NFATC1: variants seen among roughly 807,000 people sequenced by gnomAD.
The protein encoded by NFATC1 is nuclear factor of activated T-cells, cytoplasmic 1.
A neutral mutation model predicts 76.0 loss-of-function variants in NFATC1; 22 were observed. The ratio of observed to expected loss-of-function variants is 0.29; its 90% CI spans 0.21 to 0.41. The LOEUF (loss-of-function observed/expected upper bound fraction) is 0.41, where lower values mean the gene tolerates loss of function less well. NFATC1 is among the 10% of genes least tolerant of loss of function. NFATC1 has a pLI of 1.00. For synonymous variants in NFATC1, 704 were observed against 613.1 expected, an observed-to-expected ratio of 1.15 and a Z score of -2.19; for missense variants, 1,357 against 1,337.7, an observed-to-expected ratio of 1.01 and a Z score of -0.23.
chr18:79,415,493 A>T (rs536142098), intron 2 of NFATC1, among the ~76,000 whole-genome samples: 1 of 151,768 alleles, frequency 6.6e-6, no homozygotes, highest in Non-Finnish European at 1.5e-5. Flanking sequence ...CATGTTAGCC[A>T]GGATGGTCTC....
intron 3 of NFATC1, among the ~76,000 whole-genome samples, chr18:79,437,635 C>T (rs1427815382): frequency 6.6e-6 from 1 of 152,238 alleles, no homozygotes; most frequent in Non-Finnish European, 1.5e-5. Context: ...CAAATCCCAG[C>T]TCACACTGAG....
At chr18:79,476,258 C>A (rs566059416) in intron 8 of NFATC1, among the ~76,000 whole-genome samples, 1 of 152,240 alleles carries the variant, frequency 6.6e-6, no homozygotes, top group Non-Finnish European at 1.5e-5. Flanking sequence ...CGGGCGGCGT[C>A]GGCCATGCTG....
chr18:79,454,686 T>C (rs1268038901), intron 6 of NFATC1, among the ~76,000 whole-genome samples: 1 of 152,150 alleles, frequency 6.6e-6, no homozygotes, highest in Non-Finnish European at 1.5e-5. Flanking sequence ...TACAGCTTCC[T>C]CGGAAAACGA....
intron 9 of NFATC1, chr18:79,496,852 C>T (rs910295046): frequency 6.6e-6 from 1 of 152,224 alleles, no homozygotes; most frequent in Non-Finnish European, 1.5e-5. Flanking sequence ...GGCAGAACTG[C>T]CGGTGCTCAC....
At chr18:79,486,980 C>T (rs756713825) in intron 9 of NFATC1, 43 bp downstream of exon 9, 32 of 1,539,684 alleles carry the variant, frequency 2.1e-5, no homozygotes, top group Non-Finnish European at 2.8e-5. Context: ...CGCCTGGCGC[C>T]ATGGCGTGAG....
At chr18:79,521,750 A>T (rs541490735) in intron 9 of NFATC1, among the ~76,000 whole-genome samples, 4 of 51,582 alleles carry the variant, frequency 7.8e-5, no homozygotes, top group Non-Finnish European at 1.3e-4. Context: ...GTGCATCCAC[A>T]GATGTGTGTG....
intron 1 of NFATC1, among the ~76,000 whole-genome samples, chr18:79,409,868 T>C (rs2085598903): frequency 6.6e-6 from 1 of 152,204 alleles, no homozygotes; most frequent in South Asian, 2.1e-4. Context: ...CAGTGTGGGA[T>C]GAATGAGTAA....
chr18:79,411,247 C>T lies in NFATC1; in HGVS notation c.972C>T (p.Ser324=). Residue 324 remains serine, a synonymous_variant, in exon 2 of 10, where the codon AGC becomes AGT. Coordinates refer to ENST00000427363, the MANE Select transcript of NFATC1 (RefSeq NM_001278669.2). ...TCAACGCGCTGACCACCGACAGCAG[C>T]CTGGACCTGGGAGATGGCGTCCCTG... is the stretch of plus-strand genomic sequence containing the variant. ...AAINALTTDS[S]LDLGDGVPVK... is the part of the protein sequence containing the mutation. 5 of 1,603,628 alleles carry T rather than the reference C, an allele frequency of 3.1e-6. No individual in the cohort carries two copies. The highest frequency in any genetic ancestry group is 4.2e-6 in the Non-Finnish European group (5 of 1,179,794).
At chr18:79,484,802 A>G (rs971375255) in intron 8 of NFATC1, among the ~76,000 whole-genome samples, 1 of 152,062 alleles carries the variant, frequency 6.6e-6, no homozygotes, top group Non-Finnish European at 1.5e-5. Context: ...TGGCTTGGCC[A>G]CCATGGATGA....
intron 6 of NFATC1, among the ~76,000 whole-genome samples, chr18:79,453,365 C>T (rs1446687153): frequency 6.6e-6 from 1 of 152,250 alleles, no homozygotes; most frequent in African/African-American, 2.4e-5. Flanking sequence ...CCAGCTCCTG[C>T]CCTAGCCAAG....
intron 9 of NFATC1, among the ~76,000 whole-genome samples, chr18:79,488,287 C>T (rs79702884): frequency 0.081 from 10,329 of 126,998 alleles, 493 homozygotes; most frequent in Admixed American, 0.11. Flanking sequence ...CCATGGAGCC[C>T]GCAGCCCTGG....
intron 6 of NFATC1, among the ~76,000 whole-genome samples, chr18:79,454,341 G>A (rs1600763253): frequency 6.6e-6 from 1 of 152,226 alleles, no homozygotes; most frequent in Admixed American, 6.5e-5. Flanking sequence ...CTGCGTATCA[G>A]CCAGGCCACC....
In NFATC1 at chr18:79,486,375, CA is replaced by C; in HGVS notation, c.2221del (p.Ser741AlafsTer17). 1 of 1,613,026 alleles carries C rather than the reference CA, an allele frequency of 6.2e-7. No individual in the cohort carries two copies. Among genetic ancestry groups the C allele is most frequent in the African/African-American group, 1.3e-5 (1 of 75,050 alleles). ...AGCAGCTCGCGATGCCACCCGACCC[CA>C]GCTCCTGCCTCGTGGCCGGCTTCCC... ...SQQLAMPPDP[S>X]SCLVAGFPPC... On this transcript the variant is annotated frameshift_variant, in exon 9 of 10. Coordinates refer to ENST00000427363, the MANE Select transcript of NFATC1 (RefSeq NM_001278669.2). LOFTEE classifies it high-confidence loss of function.
At chr18:79,514,999 A>G (rs1246960742) in intron 9 of NFATC1, among the ~76,000 whole-genome samples, 7 of 151,982 alleles carry the variant, frequency 4.6e-5, no homozygotes, top group African/African-American at 1.7e-4. Context: ...AGCTGAGATC[A>G]TTCCACTGCA....
intron 3 of NFATC1, among the ~76,000 whole-genome samples, chr18:79,435,194 G>A (rs1210978748): frequency 6.6e-6 from 1 of 152,200 alleles, no homozygotes; most frequent in Admixed American, 6.5e-5. Flanking sequence ...CCTATTTGCT[G>A]TAAATTATGT....
chr18:79,444,764 C>T (rs889487982), intron 3 of NFATC1, among the ~76,000 whole-genome samples: 6 of 140,994 alleles, frequency 4.3e-5, no homozygotes, highest in African/African-American at 9.3e-5. Flanking sequence ...CAGACCACAC[C>T]GGCGCTGCAC....
intron 1 of NFATC1, among the ~76,000 whole-genome samples, chr18:79,400,078 G>C (rs1162334334): frequency 6.6e-6 from 1 of 151,294 alleles, no homozygotes; most frequent in African/African-American, 2.4e-5. Context: ...AGGAGCCTGC[G>C]CCGGGCCGGG....
At chr18:79,463,270 T>C (rs55687145) in intron 7 of NFATC1, among the ~76,000 whole-genome samples, 47,033 of 152,030 alleles carry the variant, frequency 0.31, 7,297 homozygotes, top group East Asian at 0.37. Context: ...AGAAGCCCCT[T>C]GAGGAAAGCT....
In NFATC1 at chr18:79,486,872, T is replaced by C. The variant is rs2089516974; in HGVS notation, c.2717T>C (p.Leu906Ser). 1.2e-6 allele frequency: 2 copies of C among 1,611,430 alleles called. No individual in the cohort carries two copies. Among genetic ancestry groups the C allele is most frequent in the Non-Finnish European group, 1.7e-6 (2 of 1,179,376 alleles). ...PEVHEDGSPN[L>S]APIPVTVKRE... ...GTGCATGAGGACGGTAGTCCTAATT[T>C]GGCCCCTATTCCTGTAACGGTCAAG... Residue 906 changes from leucine (L) to serine (S), a missense_variant, in exon 9 of 10, where the codon TTG (leucine) becomes TCG (serine). Around this residue, in one of 3 missense-constraint regions of NFATC1, gnomAD observed 424 missense variants for 395.4 expected, o/e 1.07. Coordinates refer to ENST00000427363, the MANE Select transcript of NFATC1 (RefSeq NM_001278669.2).
Sources: allele counts gnomAD v4.1 joint callset (sites outside exome capture counted in the v4.1 genomes callset), GRCh38; gene constraint gnomAD v4.1.1; regional missense constraint gnomAD v4.1.1; transcripts MANE v1.5; gene names NCBI Gene and HGNC (gene_info 2026-07-23, HGNC 2026-07-21).